Variants in ACTR3C observed in about 807,000 individuals in gnomAD.
ACTR3C encodes actin related protein 3C.
In ACTR3C, 18 loss-of-function variants were observed where a neutral mutation model predicts 26.3. The ratio of observed to expected loss-of-function variants is 0.68; its 90% CI spans 0.47 to 1.01. The LOEUF (loss-of-function observed/expected upper bound fraction) is 1.01, where lower values mean the gene tolerates loss of function less well. Ranked by LOEUF, ACTR3C falls within the 50% of genes least tolerant of loss-of-function variation. The pLI is 0.00. For missense variants in ACTR3C, 184 were observed against 250.7 expected (o/e 0.73, Z 1.80); for synonymous variants, 55 against 94.5 (o/e 0.58, Z 2.42).
the ACTR3C span, among the ~76,000 whole-genome samples, chr7:149,941,484 G>C: frequency 2.0e-5 from 3 of 152,114 alleles, no homozygotes; most frequent in Admixed American, 6.5e-5. Context: ...TTTAACAGAT[G>C]CAGCCTCTGA....
chr7:149,932,943 G>C, the ACTR3C span, among the ~76,000 whole-genome samples: 1 of 151,252 alleles, frequency 6.6e-6, no homozygotes, highest in East Asian at 1.9e-4. Flanking sequence ...ACCAGGCATC[G>C]AGTGGAGGAA....
downstream of ACTR3C, among the ~76,000 whole-genome samples, chr7:150,241,206 A>G (rs1322558227): frequency 6.6e-6 from 1 of 152,198 alleles, no homozygotes. Flanking sequence ...ATGATTTTGA[A>G]AAAGTATAAA....
intron 1 of ACTR3C, among the ~76,000 whole-genome samples, chr7:150,308,597 C>CA (rs992775982): frequency 6.6e-6 from 1 of 152,110 alleles, no homozygotes; most frequent in African/African-American, 2.4e-5. Context: ...ACCCCAACCT[C>CA]AGAGTCTTCT....
chr7:150,078,580 C>T, the ACTR3C span, among the ~76,000 whole-genome samples: 1 of 151,040 alleles, frequency 6.6e-6, no homozygotes, highest in Non-Finnish European at 1.5e-5. Flanking sequence ...TCTAGCAGTT[C>T]TAGGATTCCT....
chr7:150,251,571 G>T (rs1368172203), intron 6 of ACTR3C, among the ~76,000 whole-genome samples: 5 of 152,052 alleles, frequency 3.3e-5, no homozygotes, highest in Non-Finnish European at 7.4e-5. Context: ...AAAACCTAAA[G>T]ATTGATGATG....
the ACTR3C span, among the ~76,000 whole-genome samples, chr7:150,126,478 T>C: frequency 6.6e-6 from 1 of 152,210 alleles, no homozygotes; most frequent in Non-Finnish European, 1.5e-5. Flanking sequence ...ATGGTCACAA[T>C]TCCACATGGG....
chr7:150,232,988 T>A, the ACTR3C span, among the ~76,000 whole-genome samples: 1 of 152,182 alleles, frequency 6.6e-6, no homozygotes, highest in Non-Finnish European at 1.5e-5. Context: ...AAATAGTTAT[T>A]TTTAGATCAA....
At chr7:149,921,264 C>A in the ACTR3C span, among the ~76,000 whole-genome samples, 1 of 152,250 alleles carries the variant, frequency 6.6e-6, no homozygotes, top group African/African-American at 2.4e-5. Flanking sequence ...CAGTAGATGC[C>A]TTCTGGACTC....
At chr7:150,150,599 T>C in the ACTR3C span, among the ~76,000 whole-genome samples, 9 of 138,952 alleles carry the variant, frequency 6.5e-5, no homozygotes, top group African/African-American at 2.2e-4. Flanking sequence ...GTCTTCCTTC[T>C]GTCTTGCAGA....
At chr7:149,947,788 T>C in the ACTR3C span, among the ~76,000 whole-genome samples, 3 of 145,326 alleles carry the variant, frequency 2.1e-5, no homozygotes, top group African/African-American at 8.6e-5. Context: ...TGCAGGGGAA[T>C]GGCCATTGGA....
intron 6 of ACTR3C, among the ~76,000 whole-genome samples, chr7:150,256,665 C>T (rs1833241590): frequency 6.6e-6 from 1 of 152,128 alleles, no homozygotes; most frequent in South Asian, 2.1e-4. Context: ...ACTATGCTCA[C>T]TACCCGCGTG....
the ACTR3C span, among the ~76,000 whole-genome samples, chr7:150,170,292 C>T: frequency 6.6e-6 from 1 of 150,762 alleles, no homozygotes; most frequent in African/African-American, 2.5e-5. Flanking sequence ...GCAAAACAAG[C>T]CATAGTGTTC....
chr7:150,182,176 G>A, the ACTR3C span, among the ~76,000 whole-genome samples: 128 of 150,416 alleles, frequency 8.5e-4, no homozygotes, highest in East Asian at 4.3e-3. Flanking sequence ...AAACGAACAA[G>A]CAGAAAAACA....
chr7:150,154,020 C>G, the ACTR3C span, among the ~76,000 whole-genome samples: 1 of 141,966 alleles, frequency 7.0e-6, no homozygotes, highest in Non-Finnish European at 1.5e-5. Flanking sequence ...GGGAATTGAA[C>G]AATGAGAACG....
At chr7:150,258,562 C>T (rs1387847548) in intron 6 of ACTR3C, among the ~76,000 whole-genome samples, 1 of 152,252 alleles carries the variant, frequency 6.6e-6, no homozygotes, top group Non-Finnish European at 1.5e-5. Context: ...TCTCCAAGTA[C>T]ATAATTGGAA....
At chr7:150,043,923 G>A in the ACTR3C span, among the ~76,000 whole-genome samples, 2 of 152,280 alleles carry the variant, frequency 1.3e-5, no homozygotes, top group African/African-American at 4.8e-5. Flanking sequence ...GAAAACCAAG[G>A]TGGAGGAAAA....
chr7:150,288,706 C>A (rs537822356), intron 4 of ACTR3C, among the ~76,000 whole-genome samples: 22 of 147,310 alleles, frequency 1.5e-4, no homozygotes, highest in South Asian at 9.2e-4. Flanking sequence ...CCTCAGGAAA[C>A]CTTCCCCTGA....
chr7:150,220,057 T>C, the ACTR3C span, among the ~76,000 whole-genome samples: 3,832 of 144,608 alleles, frequency 0.026, 156 homozygotes, highest in South Asian at 0.035. Context: ...CAAAACAGCA[T>C]ACGTTCTCTC....
At chr7:150,044,566 TA>T in the ACTR3C span, among the ~76,000 whole-genome samples, 4 of 152,218 alleles carry the variant, frequency 2.6e-5, no homozygotes, top group African/African-American at 9.7e-5. Flanking sequence ...TTTGTGCATT[TA>T]GACCCTGCAT....
Sources: gnomAD v4.1 joint callset for allele counts (sites outside exome capture counted in the v4.1 genomes callset) on GRCh38, gnomAD v4.1.1 for gene constraint, MANE v1.5 for transcripts, NCBI Gene and HGNC (gene_info 2026-07-23, HGNC 2026-07-21) for gene names.